The following GRID2 variants were observed in gnomAD, a reference collection of about 807,000 sequenced individuals.
GRID2 encodes the protein glutamate ionotropic receptor delta type subunit 2.
A neutral mutation model predicts 114.8 loss-of-function variants in GRID2; 33 were observed. The observed-to-expected ratio is 0.29, with a 90% confidence interval of 0.22 to 0.38. The LOEUF (loss-of-function observed/expected upper bound fraction) is 0.38. GRID2 is among the 10% of genes least tolerant of loss of function. The pLI, the probability that GRID2 is intolerant of heterozygous loss-of-function variation, is 1.00. For missense variants in GRID2, 1,184 were observed against 1,257.7 expected, an observed-to-expected ratio of 0.94 and a Z score of 0.89; for synonymous variants, 505 against 449.9, an observed-to-expected ratio of 1.12 and a Z score of -1.55.
intron 2 of GRID2, among the ~76,000 whole-genome samples, chr4:93,047,779 A>G (rs552985568): frequency 1.4e-4 from 21 of 151,836 alleles, no homozygotes; most frequent in South Asian, 4.2e-4. Flanking sequence ...TATCTCTTCC[A>G]TTGATTCCTA....
chr4:93,653,699 G>T (rs1454567477), intron 14 of GRID2, among the ~76,000 whole-genome samples: 1 of 152,112 alleles, frequency 6.6e-6, no homozygotes, highest in Non-Finnish European at 1.5e-5. Flanking sequence ...CCACCCACTA[G>T]TTTGACTGTT....
intron 13 of GRID2, among the ~76,000 whole-genome samples, chr4:93,524,819 G>GTA (rs1307000620): frequency 0.082 from 4,202 of 51,120 alleles, 108 homozygotes; most frequent in Non-Finnish European, 0.1. Context: ...ATATATGTAT[G>GTA]TATGTATATA....
At position 93,773,406 on chromosome 4, in the gene GRID2, T is replaced by C. The variant is rs1436883748; in HGVS notation, c.*908T>C. On this transcript the variant is annotated 3_prime_UTR_variant, in exon 16 of 16. Coordinates refer to ENST00000282020, the MANE Select transcript of GRID2 (RefSeq NM_001510.4). ...GCTTTAATGTTATTCTGACTCGCAT[T>C]GTTTGCCAACAGAAAATATTTTATA... 3 of 152,172 alleles carry C rather than the reference T, an allele frequency of 2.0e-5. No homozygotes were observed. The highest frequency in any genetic ancestry group is 2.9e-5 in the Non-Finnish European group (2 of 68,006). The allele number at this position is 152,172 out of a possible 1,614,324, so 9.4% of individuals were successfully genotyped here. A position where few individuals can be genotyped will look rare whatever the true frequency, so the allele number is the denominator to read the frequency against.
intron 1 of GRID2, among the ~76,000 whole-genome samples, chr4:92,352,194 G>A (rs1447500163): frequency 6.6e-6 from 1 of 151,460 alleles, no homozygotes; most frequent in Non-Finnish European, 1.5e-5. Flanking sequence ...TTCTAACTGG[G>A]GTGAGATGAT....
At chr4:92,581,061 A>G (rs1290435407) in intron 1 of GRID2, among the ~76,000 whole-genome samples, 4 of 151,922 alleles carry the variant, frequency 2.6e-5, no homozygotes, top group Admixed American at 6.6e-5. Flanking sequence ...AGAGACTGCA[A>G]CATAGCACAC....
intron 2 of GRID2, among the ~76,000 whole-genome samples, chr4:92,976,183 G>T (rs1341175220): frequency 6.6e-6 from 1 of 151,866 alleles, no homozygotes; most frequent in African/African-American, 2.4e-5. Context: ...TAATGATCTG[G>T]TCAAGTAAAA....
At chr4:93,018,567 A>T (rs1209779520) in intron 2 of GRID2, among the ~76,000 whole-genome samples, 1 of 152,172 alleles carries the variant, frequency 6.6e-6, no homozygotes, top group Non-Finnish European at 1.5e-5. Flanking sequence ...GCAATTTATA[A>T]AGCTTGAAGA....
At chr4:93,144,652 G>A (rs571263429) in intron 4 of GRID2, among the ~76,000 whole-genome samples, 1 of 152,104 alleles carries the variant, frequency 6.6e-6, no homozygotes, top group East Asian at 1.9e-4. Flanking sequence ...AAGCCCAGAA[G>A]CAAAACATAA....
chr4:93,267,161 C>T (rs1425388213), intron 8 of GRID2, among the ~76,000 whole-genome samples: 2 of 142,300 alleles, frequency 1.4e-5, no homozygotes, highest in East Asian at 2.0e-4. Flanking sequence ...ATAGTACACA[C>T]ATTTCTTTTT....
At position 92,993,159 on chromosome 4, in the gene GRID2, T is replaced by C. The variant is rs1211827662; in HGVS notation, c.245-91836T>C. Among the ~76,000 whole-genome samples the C allele has an allele frequency of 2.0e-5, 3 of 152,110 alleles. 1 individual carries two copies. The highest frequency in any genetic ancestry group is 4.1e-4 in the South Asian group (2 of 4,828). The stretch of plus-strand genomic sequence containing the variant: ...CTTGAGAGTGGCTATTTTTTTTTCT[T>C]CTTTTTGTTTGTACTTGATTTTGCA... On this transcript the variant is annotated intron_variant, in intron 2 of 15. Transcript: ENST00000282020.
At chr4:92,410,821 A>G (rs1731261355) in intron 1 of GRID2, among the ~76,000 whole-genome samples, 1 of 149,266 alleles carries the variant, frequency 6.7e-6, no homozygotes, top group Non-Finnish European at 1.5e-5. Flanking sequence ...CAACCTAAGT[A>G]GGTCTGCAAA....
chr4:93,786,928 A>C (rs1734605450), intron 1 of GRID2, among the ~76,000 whole-genome samples: 1 of 152,150 alleles, frequency 6.6e-6, no homozygotes, highest in Non-Finnish European at 1.5e-5. Context: ...AACAAAAGTC[A>C]ATTTTAACGG....
chr4:92,305,523 G>T (rs540393558), intron 1 of GRID2, among the ~76,000 whole-genome samples: 2 of 150,428 alleles, frequency 1.3e-5, no homozygotes, highest in East Asian at 3.9e-4. Context: ...TATCCGCCTT[G>T]CCTCGCCTCG....
chr4:92,773,819 A>G (rs950634601), intron 2 of GRID2, among the ~76,000 whole-genome samples: 1 of 152,080 alleles, frequency 6.6e-6, no homozygotes, highest in Non-Finnish European at 1.5e-5. Context: ...GCTTTTTAGT[A>G]ATTTTGAGAC....
chr4:93,295,745 ATTAT>A (rs1300682736), intron 8 of GRID2, among the ~76,000 whole-genome samples: 1 of 152,184 alleles, frequency 6.6e-6, no homozygotes, highest in Non-Finnish European at 1.5e-5. Context: ...TTTAATGTCA[ATTAT>A]TTATAGGCTT....
intron 13 of GRID2, among the ~76,000 whole-genome samples, chr4:93,536,081 C>T (rs1341010025): frequency 6.6e-6 from 1 of 151,602 alleles, no homozygotes; most frequent in Non-Finnish European, 1.5e-5. Flanking sequence ...AAAAGTTAAC[C>T]CATATTGGTG....
intron 8 of GRID2, among the ~76,000 whole-genome samples, chr4:93,370,250 A>G (rs1481260068): frequency 6.6e-6 from 1 of 152,178 alleles, no homozygotes; most frequent in Non-Finnish European, 1.5e-5. Flanking sequence ...TTTCAGATAC[A>G]TAAAGGAAAA....
intron 1 of GRID2, among the ~76,000 whole-genome samples, chr4:92,529,170 T>C (rs940326170): frequency 1.3e-5 from 2 of 152,022 alleles, no homozygotes; most frequent in African/African-American, 4.8e-5. Context: ...CTAATCATAA[T>C]TCATCATTAT....
chr4:93,338,975 G>T (rs889583095), intron 8 of GRID2, among the ~76,000 whole-genome samples: 3 of 152,050 alleles, frequency 2.0e-5, no homozygotes, highest in African/African-American at 7.2e-5. Flanking sequence ...TGACTTTCTT[G>T]AATCACTTGC....
Sources: gnomAD v4.1 joint callset for allele counts (sites outside exome capture counted in the v4.1 genomes callset) on GRCh38, gnomAD v4.1.1 for gene constraint, MANE v1.5 for transcripts, NCBI Gene and HGNC (gene_info 2026-07-23, HGNC 2026-07-21) for gene names.